The following ASB14 variants were observed in gnomAD, a reference collection of about 807,000 sequenced individuals.
ASB14 encodes ankyrin repeat and SOCS box containing 14, also known as ankyrin repeat and SOCS box protein 14.
Under a neutral mutation model 55.6 loss-of-function variants are expected in ASB14, and 63 were observed. The ratio of observed to expected loss-of-function variants is 1.13; its 90% CI spans 0.92 to 1.40. ASB14 has a LOEUF of 1.40. Among genes scored for constraint, ASB14 ranks in the 40% most tolerant of loss-of-function variants. The pLI, the probability that ASB14 is intolerant of heterozygous loss-of-function variation, is 0.00. For synonymous variants in ASB14, 256 were observed against 259.9 expected, an observed-to-expected ratio of 0.98 and a Z score of 0.15; for missense variants, 724 against 710.4, an observed-to-expected ratio of 1.02 and a Z score of -0.22.
At chr3:57,270,776 A>G (rs2060932208) in intron 10 of ASB14, 1 of 152,270 alleles carries the variant, frequency 6.6e-6, no homozygotes, top group African/African-American at 2.4e-5. Flanking sequence ...AATTTGCACT[A>G]ATTATTGTAA....
intron 10 of ASB14, chr3:57,270,534 G>A (rs1292133144): frequency 6.6e-6 from 1 of 152,598 alleles, no homozygotes; most frequent in Non-Finnish European, 1.5e-5. Flanking sequence ...TGTATTTTCT[G>A]CATTGTGTGA....
At chr3:57,280,092 A>G (rs2061026578) in intron 7 of ASB14, among the ~76,000 whole-genome samples, 2 of 133,338 alleles carry the variant, frequency 1.5e-5, no homozygotes, top group African/African-American at 2.8e-5. Flanking sequence ...ATGTCTAAGT[A>G]CTTTCATCTG....
chr3:57,272,012 G>GT (rs2060944565), intron 10 of ASB14: 1 of 152,158 alleles, frequency 6.6e-6, no homozygotes, highest in African/African-American at 2.4e-5. Flanking sequence ...AAAGCTGATT[G>GT]TTACCCTCCT....
chr3:57,279,076 G>A, intron 7 of ASB14, 156 bp from the exon 8 acceptor site: 1 of 679,646 alleles, frequency 1.5e-6, no homozygotes, highest in East Asian at 2.8e-5. Flanking sequence ...TCATCCAGAA[G>A]CTCAGATACC....
At chr3:57,288,605 G>A (rs2061100552) in intron 3 of ASB14, among the ~76,000 whole-genome samples, 1 of 151,682 alleles carries the variant, frequency 6.6e-6, no homozygotes, top group Non-Finnish European at 1.5e-5. Context: ...ACAATCAGCT[G>A]TGGACCCCTG....
rs757789577 is a variant in ASB14, at chr3:57,269,045, A to C, written c.*596T>G. 6.4e-6 allele frequency: 1 copy of C among 155,608 alleles called. No individual in the cohort carries two copies. Among genetic ancestry groups the C allele is most frequent in the South Asian group, 2.0e-4 (1 of 5,046 alleles). 9.6% of individuals were successfully genotyped at this position (155,608 alleles called of 1,614,324 possible). A position where few individuals can be genotyped will look rare whatever the true frequency, so the allele number is the denominator to read the frequency against. ...GAGACAGCTGGGATGCTTAGAACAG[A>C]TCAATAAGCATTGGCTGTGGGCTGG... is the stretch of plus-strand genomic sequence containing the variant. On this transcript the variant is annotated 3_prime_UTR_variant, in exon 11 of 11. Coordinates refer to ENST00000487349, the MANE Select transcript of ASB14 (RefSeq NM_001142733.3).
chr3:57,285,643 G>C (rs1014798475), intron 5 of ASB14, among the ~76,000 whole-genome samples: 3 of 152,056 alleles, frequency 2.0e-5, no homozygotes, highest in African/African-American at 7.2e-5. Context: ...TTTCCCTGGA[G>C]TTAATACTTG....
intron 1 of ASB14, among the ~76,000 whole-genome samples, 164 bp downstream of exon 1, chr3:57,292,468 TA>T (rs1301438983): frequency 6.6e-6 from 1 of 152,166 alleles, no homozygotes; most frequent in Non-Finnish European, 1.5e-5. Flanking sequence ...TAATATACAT[TA>T]AAAATAAACA....
chr3:57,269,850 G>A, intron 10 of ASB14: 2 of 782,676 alleles, frequency 2.6e-6, no homozygotes, highest in Non-Finnish European at 3.9e-6. Context: ...TGATGACTTA[G>A]GTTTGCATTG....
intron 10 of ASB14, among the ~76,000 whole-genome samples, chr3:57,275,232 C>T (rs1559519415): frequency 6.6e-6 from 1 of 152,088 alleles, no homozygotes; most frequent in Non-Finnish European, 1.5e-5. Context: ...GGGCGGATCA[C>T]CTGAGGGTCA....
At chr3:57,290,451 G>GTA (rs955323525) in intron 2 of ASB14, among the ~76,000 whole-genome samples, 1 of 152,190 alleles carries the variant, frequency 6.6e-6, no homozygotes, top group African/African-American at 2.4e-5. Context: ...GTAATCCAGA[G>GTA]TACACCCCCT....
chr3:57,283,128 A>G (rs1430931519), intron 6 of ASB14, 66 bp downstream of exon 6: 46 of 1,519,850 alleles, frequency 3.0e-5, no homozygotes, highest in Non-Finnish European at 4.0e-5. Context: ...GAAGCTCTCC[A>G]TTAAGAGGAG....
In ASB14 at chr3:57,268,531, G is replaced by T; in HGVS notation, c.*1110C>A. ...TGGATCTTTATGTGTTGTTTGTGAAGACTTAATTCAGCACTATGACTTTCA... is the reference window on the plus strand; with the variant it reads ...TGGATCTTTATGTGTTGTTTGTGAATACTTAATTCAGCACTATGACTTTCA... On this transcript the variant is annotated 3_prime_UTR_variant, in exon 11 of 11. Coordinates refer to ENST00000487349, the MANE Select transcript of ASB14 (RefSeq NM_001142733.3). 1.3e-6 allele frequency: 2 copies of T among 1,531,208 alleles called. No individual in the cohort carries two copies. The highest frequency in any genetic ancestry group is 2.3e-5 in the East Asian group (1 of 43,968). 94.9% of individuals were successfully genotyped at this position (1,531,208 alleles called of 1,614,324 possible).
In ASB14 at chr3:57,288,153, A is replaced by G; in HGVS notation, c.310+2T>C. The G allele has an allele frequency of 6.5e-7, 1 of 1,536,958 alleles. No individual in the cohort carries two copies. Reference sequence around the variant, plus strand: ...CATCAAGAAGAATCAAAGGGAATTTACCGCTTAGGGTTATTTCCAAAATTT... The same window carrying G: ...CATCAAGAAGAATCAAAGGGAATTTGCCGCTTAGGGTTATTTCCAAAATTT... On this transcript the variant is annotated splice_donor_variant, in intron 4 of 10. Coordinates refer to ENST00000487349, the MANE Select transcript of ASB14 (RefSeq NM_001142733.3). LOFTEE classifies it high-confidence loss of function.
rs1160216920 is a variant in ASB14, at chr3:57,288,187, A to G, written c.278T>C (p.Leu93Ser). 9 of 1,536,904 alleles carry G rather than the reference A, an allele frequency of 5.9e-6. No homozygotes were observed. The highest frequency in any genetic ancestry group is 7.8e-6 in the Non-Finnish European group (9 of 1,146,656). Residue 93 changes from leucine to serine, a missense_variant, in exon 4 of 11, where the codon TTA (leucine) becomes TCA (serine). Physicochemically the swap from Leu to Ser is moderately radical, Grantham distance 145. Coordinates refer to ENST00000487349, the MANE Select transcript of ASB14 (RefSeq NM_001142733.3). The stretch of plus-strand genomic sequence containing the variant: ...GGTTATTTCCAAAATTTTCCTATTT[A>G]ATTGCACTGCAGCCTTATGCAGAGG... ...WIPLHKAAVQ[L>S]NRKILEITLS...
intron 7 of ASB14, 76 bp from the exon 8 acceptor site, chr3:57,278,996 G>A: frequency 7.3e-7 from 1 of 1,378,098 alleles, no homozygotes; most frequent in Non-Finnish European, 1.0e-6. Flanking sequence ...TTGTTTTATA[G>A]CAATACTAGA....
Position 57,278,621 on chromosome 3 carries a change from A to G in ASB14, c.1187T>C (p.Met396Thr). The change falls in exon 8 of 11, where the codon ATG becomes ACG. Residue 396 changes from methionine to threonine, a missense_variant. By Grantham distance (81) the Met-to-Thr change is moderately conservative (BLOSUM62 -1). Transcript: ENST00000487349. ...CAGACTGATCAGCTCATAGTTGCCC[A>G]TCCTGAGGGCTATCTGGAGGCAGTT... Reference protein sequence around the residue: ...PVNCLQIALRMGNYELISLLL... With the variant: ...PVNCLQIALRTGNYELISLLL... The G allele has an allele frequency of 6.2e-7, 1 of 1,614,202 alleles. No individual in the cohort carries two copies. Among genetic ancestry groups the G allele is most frequent in the Non-Finnish European group, 8.5e-7 (1 of 1,180,020 alleles).
At chr3:57,280,102 G>A (rs994518175) in intron 7 of ASB14, among the ~76,000 whole-genome samples, 200 bp downstream of exon 7, 3 of 132,156 alleles carry the variant, frequency 2.3e-5, no homozygotes, top group African/African-American at 8.7e-5. Flanking sequence ...ACTTTCATCT[G>A]TCACTTGGCC....
In ASB14 at chr3:57,268,547, A is replaced by G. The variant is rs894526647; in HGVS notation, c.*1094T>C. On this transcript the variant is annotated 3_prime_UTR_variant, in exon 11 of 11. Transcript: ENST00000487349. Reference sequence around the variant, plus strand: ...GTTTGTGAAGACTTAATTCAGCACTATGACTTTCAGATTTGAATTTCCAAA... The same window carrying G: ...GTTTGTGAAGACTTAATTCAGCACTGTGACTTTCAGATTTGAATTTCCAAA... 4.1e-5 allele frequency: 61 copies of G among 1,481,316 alleles called. No homozygotes were observed. Among genetic ancestry groups the G allele is most frequent in the Admixed American group, 1.2e-4 (5 of 43,302 alleles). 91.8% of individuals were successfully genotyped at this position (1,481,316 alleles called of 1,614,324 possible).
Sources: gnomAD v4.1 joint callset for allele counts (sites outside exome capture counted in the v4.1 genomes callset) on GRCh38, gnomAD v4.1.1 for gene constraint, MANE v1.5 for transcripts, NCBI Gene and HGNC (gene_info 2026-07-23, HGNC 2026-07-21) for gene names.